The following TMEM229B variants were observed in gnomAD, a reference collection of about 807,000 sequenced individuals.
TMEM229B encodes chromosome 14 open reading frame 83.
In TMEM229B, 6 loss-of-function variants were observed where a neutral mutation model predicts 13.7. The observed-to-expected ratio is 0.44, with a 90% CI of 0.24 to 0.86. The LOEUF (loss-of-function observed/expected upper bound fraction) is 0.86, where lower values mean the gene tolerates loss of function less well. TMEM229B is among the 40% of genes least tolerant of loss of function. TMEM229B has a pLI of 0.23. For missense variants in TMEM229B, 170 were observed against 236.0 expected (o/e 0.72, Z 1.83); for synonymous variants, 107 against 102.1 (o/e 1.05, Z -0.29).
At chr14:67,518,414 A>T (rs750895190), upstream of TMEM229B, among the ~76,000 whole-genome samples, 1 of 152,250 alleles carries the variant, frequency 6.6e-6, no homozygotes, top group Non-Finnish European at 1.5e-5. Flanking sequence ...AGGAGAATGC[A>T]TATAAGGTGC....
rs530545183 is a variant in TMEM229B, at chr14:67,512,202, T to A, written c.-192+2884A>T. On this transcript the variant is annotated intron_variant, in intron 1 of 2. Transcript: ENST00000357461. ...CACACACCACAGCCAGTGTGACAAC[T>A]CTCAGTGGGACTCAGTTTCCCTAAG... 3.9e-3 allele frequency among the ~76,000 whole-genome samples: 596 copies of A among 152,274 alleles called. 2 individuals carry two copies. The highest frequency in any genetic ancestry group is 6.5e-3 in the Admixed American group (99 of 15,294).
chr14:67,480,025 C>A lies in TMEM229B; in HGVS notation c.-18-6084G>T, dbSNP rs149813221. 1.1e-3 allele frequency among the ~76,000 whole-genome samples: 162 copies of A among 152,310 alleles called. 1 individual carries two copies. Among genetic ancestry groups the A allele is most frequent in the Admixed American group, 2.8e-3 (43 of 15,306 alleles). ...GCCCAACCACCCTGTGCCTCAGGGT[C>A]CTTGTAGGTAAAGTGAGGATAACGG... is the stretch of plus-strand genomic sequence containing the variant. On this transcript the variant is annotated intron_variant, in intron 2 of 2. Transcript: ENST00000554480.
chr14:67,512,840 G>A (rs7155830), intron 1 of TMEM229B, among the ~76,000 whole-genome samples: 63,876 of 151,946 alleles, frequency 0.42, 13,915 homozygotes, highest in Non-Finnish European at 0.48. Context: ...AGAAAAAAAA[G>A]CTTGCTGCCT....
At chr14:67,509,770 G>T (rs1037958600) in intron 1 of TMEM229B, among the ~76,000 whole-genome samples, 2 of 152,190 alleles carry the variant, frequency 1.3e-5, no homozygotes, top group African/African-American at 4.8e-5. Context: ...ACTTTGGGAG[G>T]CTGAGGCAGG....
intron 2 of TMEM229B, among the ~76,000 whole-genome samples, chr14:67,475,252 T>C (rs113235395): frequency 2.6e-5 from 4 of 152,270 alleles, no homozygotes; most frequent in African/African-American, 9.6e-5. Context: ...TCATATTCCA[T>C]TGTATATATC....
At chr14:67,477,032 G>A (rs1466789297) in intron 2 of TMEM229B, among the ~76,000 whole-genome samples, 10 of 152,132 alleles carry the variant, frequency 6.6e-5, no homozygotes, top group Admixed American at 6.5e-4. Flanking sequence ...GAAATGTGGT[G>A]GCATGCGCCT....
chr14:67,481,968 C>A (rs1024519017), intron 2 of TMEM229B, among the ~76,000 whole-genome samples: 1 of 152,172 alleles, frequency 6.6e-6, no homozygotes, highest in Non-Finnish European at 1.5e-5. Flanking sequence ...AGAGTGTGAG[C>A]AAGGTTGAAT....
intron 1 of TMEM229B, among the ~76,000 whole-genome samples, chr14:67,503,709 T>C (rs2032701390): frequency 6.6e-6 from 1 of 152,034 alleles, no homozygotes; most frequent in South Asian, 2.1e-4. Flanking sequence ...TTATTTTTTA[T>C]TTATTTATTT....
chr14:67,493,391 C>A (rs960756812), upstream of TMEM229B, among the ~76,000 whole-genome samples: 1 of 152,130 alleles, frequency 6.6e-6, no homozygotes, highest in African/African-American at 2.4e-5. Context: ...TTAGATTGTG[C>A]GGTCCAACCC....
intron 1 of TMEM229B, among the ~76,000 whole-genome samples, chr14:67,521,947 C>T (rs1191155310): frequency 6.6e-5 from 10 of 152,162 alleles, no homozygotes; most frequent in African/African-American, 1.7e-4. Context: ...GAGGCTGAGG[C>T]GGGTGGATCA....
chr14:67,491,093 A>G (rs114651716), upstream of TMEM229B, among the ~76,000 whole-genome samples: 2,860 of 152,310 alleles, frequency 0.019, 39 homozygotes, highest in East Asian at 0.073. Context: ...ACTTCTGAAC[A>G]ATTGGTTACA....
chr14:67,508,673 G>A (rs1335114814), intron 1 of TMEM229B, among the ~76,000 whole-genome samples: 1 of 146,972 alleles, frequency 6.8e-6, no homozygotes, highest in African/African-American at 2.5e-5. Context: ...TTGAGCCCAG[G>A]AGATAGAGGG....
intron 1 of TMEM229B, among the ~76,000 whole-genome samples, chr14:67,501,768 A>C (rs977318231): frequency 1.3e-5 from 2 of 152,188 alleles, no homozygotes; most frequent in African/African-American, 4.8e-5. Context: ...AATTCTAAAG[A>C]TTTTTTAAAA....
At chr14:67,477,549 C>G (rs2031296089) in intron 2 of TMEM229B, among the ~76,000 whole-genome samples, 1 of 152,168 alleles carries the variant, frequency 6.6e-6, no homozygotes, top group Non-Finnish European at 1.5e-5. Flanking sequence ...AGACCTCTTT[C>G]CTGTGTGCTA....
At chr14:67,488,334 G>C (rs369272295) in intron 1 of TMEM229B, among the ~76,000 whole-genome samples, 174 bp downstream of exon 1, 2 of 152,244 alleles carry the variant, frequency 1.3e-5, no homozygotes, top group Non-Finnish European at 2.9e-5. Flanking sequence ...GGGCAGGAGT[G>C]GGGGAACTGA....
chr14:67,481,240 G>A (rs1566676626), intron 2 of TMEM229B, among the ~76,000 whole-genome samples: 1 of 152,146 alleles, frequency 6.6e-6, no homozygotes, highest in South Asian at 2.1e-4. Context: ...CTATGATTGT[G>A]CCACTGCACT....
chr14:67,479,737 CT>C (rs531601600), intron 2 of TMEM229B, among the ~76,000 whole-genome samples: 296 of 152,228 alleles, frequency 1.9e-3, no homozygotes, highest in Non-Finnish European at 3.5e-3. Flanking sequence ...AAAAAAAATG[CT>C]TGTGGAATGA....
intron 1 of TMEM229B, among the ~76,000 whole-genome samples, chr14:67,523,381 A>G (rs1389290269): frequency 2.6e-5 from 4 of 152,104 alleles, no homozygotes; most frequent in Admixed American, 2.6e-4. Flanking sequence ...GTACAGTGCT[A>G]GGGAAAAAAA....
chr14:67,519,287 A>G (rs1194717448), upstream of TMEM229B, among the ~76,000 whole-genome samples: 1 of 152,256 alleles, frequency 6.6e-6, no homozygotes, highest in East Asian at 1.9e-4. Flanking sequence ...GGAAAAGAAT[A>G]TGATCAGATG....
Sources: gnomAD v4.1 joint callset for allele counts (sites outside exome capture counted in the v4.1 genomes callset) on GRCh38, gnomAD v4.1.1 for gene constraint, MANE v1.5 for transcripts, NCBI Gene and HGNC (gene_info 2026-07-23, HGNC 2026-07-21) for gene names.